The following RBFOX1 variants were observed in gnomAD, a reference collection of about 807,000 sequenced individuals.
RBFOX1 encodes RNA binding protein fox-1 homolog 1.
RBFOX1 carries 8 observed loss-of-function variants against 57.7 expected under a neutral mutation model. That is an observed-to-expected ratio of 0.14 (90% CI 0.08 to 0.25). RBFOX1 has a LOEUF of 0.25. Ranked by LOEUF, RBFOX1 falls within the 10% of genes least tolerant of loss-of-function variation. RBFOX1 has a pLI of 1.00. For missense variants in RBFOX1, 611 were observed against 548.5 expected (o/e 1.11, Z -1.14); for synonymous variants, 326 against 222.4 (o/e 1.47, Z -4.15).
At chr16:5,523,718 A>G (rs988298676) in intron 2 of RBFOX1, among the ~76,000 whole-genome samples, 3 of 152,236 alleles carry the variant, frequency 2.0e-5, no homozygotes, top group East Asian at 3.8e-4. Context: ...TTGCTGGATC[A>G]AGTGGTAGTT....
At chr16:6,576,494 A>T (rs2097438878) in intron 2 of RBFOX1, among the ~76,000 whole-genome samples, 1 of 152,188 alleles carries the variant, frequency 6.6e-6, no homozygotes, top group Non-Finnish European at 1.5e-5. Context: ...TGAACTGTTC[A>T]TTCTTCTAAG....
At chr16:5,508,408 A>G (rs540558381) in intron 2 of RBFOX1, among the ~76,000 whole-genome samples, 2 of 152,208 alleles carry the variant, frequency 1.3e-5, no homozygotes, top group Non-Finnish European at 2.9e-5. Context: ...AGAGAGAGAC[A>G]GAGTCTCCTA....
At chr16:7,421,245 G>C (rs201273651) in intron 4 of RBFOX1, among the ~76,000 whole-genome samples, 6 of 148,262 alleles carry the variant, frequency 4.0e-5, no homozygotes, top group Non-Finnish European at 7.5e-5. Flanking sequence ...AAGAGAGAGA[G>C]AACAACCTAT....
chr16:7,276,467 T>G (rs1296377933), intron 4 of RBFOX1, among the ~76,000 whole-genome samples: 2 of 152,200 alleles, frequency 1.3e-5, no homozygotes, highest in Non-Finnish European at 2.9e-5. Flanking sequence ...TTTTTCTTCC[T>G]TCCTCTATAT....
intron 2 of RBFOX1, among the ~76,000 whole-genome samples, chr16:6,575,041 TAAAA>T (rs60159843): frequency 0.34 from 47,449 of 141,182 alleles, 9,062 homozygotes; most frequent in Non-Finnish European, 0.42. Flanking sequence ...CCGTCTCAAT[TAAAA>T]AAAAAAAAAA....
At chr16:5,765,263 C>T (rs2151657171) in intron 3 of RBFOX1, among the ~76,000 whole-genome samples, 2 of 152,250 alleles carry the variant, frequency 1.3e-5, no homozygotes, top group East Asian at 1.9e-4. Flanking sequence ...GCCAAGGATA[C>T]CAGCAGCAGA....
intron 3 of RBFOX1, among the ~76,000 whole-genome samples, chr16:6,742,831 A>T (rs1459674774): frequency 6.6e-6 from 1 of 152,166 alleles, no homozygotes; most frequent in Non-Finnish European, 1.5e-5. Flanking sequence ...GTGGGAGAAA[A>T]AAAGATGGGT....
At chr16:6,699,713 G>T (rs1476053989) in intron 3 of RBFOX1, among the ~76,000 whole-genome samples, 2 of 152,178 alleles carry the variant, frequency 1.3e-5, no homozygotes, top group African/African-American at 4.8e-5. Flanking sequence ...GACATAAAAT[G>T]AATGATCAGG....
intron 4 of RBFOX1, among the ~76,000 whole-genome samples, chr16:7,487,294 C>G (rs1487989627): frequency 1.3e-5 from 2 of 152,174 alleles, no homozygotes; most frequent in East Asian, 3.9e-4. Flanking sequence ...TACTTTATCT[C>G]AAATAGCGGC....
intron 1 of RBFOX1, among the ~76,000 whole-genome samples, chr16:5,301,158 C>T (rs1202644285): frequency 1.3e-5 from 2 of 152,126 alleles, no homozygotes; most frequent in South Asian, 2.1e-4. Flanking sequence ...CCGTTGCTTC[C>T]ATCTTGTTTG....
chr16:6,807,021 A>G (rs1041134850), intron 3 of RBFOX1, among the ~76,000 whole-genome samples: 15 of 151,274 alleles, frequency 9.9e-5, no homozygotes, highest in African/African-American at 2.9e-4. Flanking sequence ...TTTAGCAGAG[A>G]TGGGGTTTCA....
At chr16:6,438,680 G>A (rs1482986008) in intron 2 of RBFOX1, among the ~76,000 whole-genome samples, 5 of 152,142 alleles carry the variant, frequency 3.3e-5, no homozygotes, top group Non-Finnish European at 7.4e-5. Flanking sequence ...GATGAGGAGG[G>A]CAAAGTCAAG....
At chr16:7,348,025 T>G (rs1160719793) in intron 4 of RBFOX1, among the ~76,000 whole-genome samples, 3 of 152,206 alleles carry the variant, frequency 2.0e-5, no homozygotes, top group Admixed American at 6.5e-5. Context: ...TTGATTTGGT[T>G]TTCGATTTAA....
intron 3 of RBFOX1, among the ~76,000 whole-genome samples, chr16:7,039,455 C>A (rs961172162): frequency 2.6e-5 from 4 of 152,204 alleles, no homozygotes; most frequent in African/African-American, 9.7e-5. Context: ...GTTTATGCAA[C>A]ATGAGACAGA....
Position 7,062,055 on chromosome 16 carries a change from C to A in RBFOX1, c.27+9957C>A, listed in dbSNP as rs1199846555. Among the ~76,000 whole-genome samples, 3 of 152,142 alleles carry A rather than the reference C, an allele frequency of 2.0e-5. No individual in the cohort carries two copies. The East Asian group carries it at 5.8e-4, about 29-fold the overall frequency. ...CAACGAGGCCGGGTGTGGTGGCTCA[C>A]ACCTGTAATCCCAGCACTTTGGGAG... On this transcript the variant is annotated intron_variant, in intron 4 of 15. Coordinates refer to ENST00000550418, the MANE Select transcript of RBFOX1 (RefSeq NM_018723.4).
chr16:5,361,272 TG>T (rs140041948), intron 1 of RBFOX1, among the ~76,000 whole-genome samples: 4,942 of 152,282 alleles, frequency 0.032, 126 homozygotes, highest in Middle Eastern at 0.082. Context: ...GCTGTAAACA[TG>T]GGTATAGTTG....
intron 4 of RBFOX1, among the ~76,000 whole-genome samples, chr16:7,184,072 C>A (rs1202045095): frequency 6.6e-6 from 1 of 152,014 alleles, no homozygotes; most frequent in African/African-American, 2.4e-5. Flanking sequence ...GAGAAGAAGG[C>A]AGGATTGGTG....
intron 1 of RBFOX1, among the ~76,000 whole-genome samples, chr16:6,060,122 G>GTTTTTTGTTGTTTTTTTTTT (rs1567355465): frequency 1.8e-5 from 2 of 114,206 alleles, no homozygotes; most frequent in South Asian, 6.0e-4. Context: ...TAGGATTAGG[G>GTTTTTTGTTGTTTTTTTTTT]TTTTTTTTTT....
intron 3 of RBFOX1, among the ~76,000 whole-genome samples, chr16:6,814,044 A>T (rs2089458004): frequency 7.0e-6 from 1 of 143,820 alleles, no homozygotes; most frequent in Non-Finnish European, 1.6e-5. Context: ...TTCAAACATA[A>T]CAACTTGTCC....
Sources: gnomAD v4.1 joint callset for allele counts (sites outside exome capture counted in the v4.1 genomes callset) on GRCh38, gnomAD v4.1.1 for gene constraint, MANE v1.5 for transcripts, NCBI Gene and HGNC (gene_info 2026-07-23, HGNC 2026-07-21) for gene names.